Variants in TAF5 observed in about 807,000 individuals in gnomAD.
TAF5 encodes the protein transcription initiation factor TFIID subunit 5.
TAF5 carries 20 observed loss-of-function variants against 80.9 expected under a neutral mutation model. That is an observed-to-expected ratio of 0.25 (90% confidence interval 0.17 to 0.36). TAF5 has a LOEUF of 0.36. Ranked by LOEUF, TAF5 falls within the 10% of genes least tolerant of loss-of-function variation. The pLI is 1.00. For missense variants in TAF5, 863 were observed against 1,029.4 expected (o/e 0.84, Z 2.21); for synonymous variants, 388 against 406.4 (o/e 0.95, Z 0.55).
At chr10:103,379,797 T>G in intron 4 of TAF5, 26 bp downstream of exon 4, 11 of 1,591,794 alleles carry the variant, frequency 6.9e-6, no homozygotes, top group Non-Finnish European at 9.4e-6. Context: ...CAGGAACTTG[T>G]GTGTGGAGGT....
Position 103,381,796 on chromosome 10 carries a change from T to TGGTC in TAF5, c.1493_1496dup (p.Thr500GlyfsTer8). On this transcript the variant is annotated frameshift_variant, in exon 6 of 11. Transcript: ENST00000369839. LOFTEE classifies it high-confidence loss of function. ...TTTTGCAGATTCAACTGTCAGAGTG[T>TGGTC]GGTCGGTAACACCCAAAAAGCTTCG... is the stretch of plus-strand genomic sequence containing the variant. The TGGTC allele has an allele frequency of 6.2e-7, 1 of 1,614,204 alleles. No homozygotes were observed. Among genetic ancestry groups the TGGTC allele is most frequent in the Admixed American group, 1.7e-5 (1 of 60,022 alleles).
rs1316978493 is a variant in TAF5, at chr10:103,387,273, C to T, written c.1928C>T (p.Ala643Val). Reference protein sequence around the residue: ...TRFHPNSNYVATGSADRTVRL... With the variant: ...TRFHPNSNYVVTGSADRTVRL... ...TTCCATCCAAATTCTAATTATGTTGCTACGGGCTCTGCAGACAGAACTGTG... is the reference window on the plus strand; with the variant it reads ...TTCCATCCAAATTCTAATTATGTTGTTACGGGCTCTGCAGACAGAACTGTG... Residue 643 changes from alanine (A) to valine (V), a missense_variant, in exon 9 of 11, where the codon GCT becomes GTT. Around this residue, in one of 3 missense-constraint regions of TAF5, gnomAD observed 368 missense variants for 461.7 expected, o/e 0.80. Coordinates refer to ENST00000369839, the MANE Select transcript of TAF5 (RefSeq NM_006951.5). 8 of 1,614,150 alleles carry T rather than the reference C, an allele frequency of 5.0e-6. No individual in the cohort carries two copies. The highest frequency in any genetic ancestry group is 6.8e-6 in the Non-Finnish European group (8 of 1,180,026).
Position 103,385,498 on chromosome 10 carries a change from C to T in TAF5, c.1829+8C>T. On this transcript the variant is annotated splice_region_variant and intron_variant, in intron 8 of 10. Coordinates refer to ENST00000369839, the MANE Select transcript of TAF5 (RefSeq NM_006951.5). The stretch of plus-strand genomic sequence containing the variant: ...CCATGACCGAGTAGCTCGGTAAGAA[C>T]ACTGTGATCTTATGACTGGGTCTAT... 1 of 1,613,306 alleles carries T rather than the reference C, an allele frequency of 6.2e-7. No homozygotes were observed. Among genetic ancestry groups the T allele is most frequent in the Non-Finnish European group, 8.5e-7 (1 of 1,179,742 alleles).
intron 8 of TAF5, 134 bp downstream of exon 8, chr10:103,385,624 A>T (rs557466451): frequency 2.7e-6 from 3 of 1,094,174 alleles, no homozygotes; most frequent in Non-Finnish European, 3.9e-6. Context: ...TTTTGCATTT[A>T]TAACTTATTT....
chr10:103,384,499 C>T (rs376053749), intron 7 of TAF5, among the ~76,000 whole-genome samples: 7 of 152,092 alleles, frequency 4.6e-5, no homozygotes, highest in African/African-American at 1.4e-4. Context: ...GGTGTGGTGG[C>T]GCCCACCTGT....
intron 5 of TAF5, among the ~76,000 whole-genome samples, chr10:103,381,159 G>C (rs2093382003): frequency 6.6e-6 from 1 of 151,960 alleles, no homozygotes; most frequent in Admixed American, 6.6e-5. Flanking sequence ...AGGTTGACCA[G>C]GCTGGACTTG....
intron 1 of TAF5, among the ~76,000 whole-genome samples, chr10:103,369,051 TCA>T (rs1376045561): frequency 1.3e-5 from 2 of 151,644 alleles, no homozygotes; most frequent in Non-Finnish European, 2.9e-5. Flanking sequence ...CAATCTTGGC[TCA>T]CTGCAACCTC....
At chr10:103,368,875 A>G (rs1273678177) in intron 1 of TAF5, among the ~76,000 whole-genome samples, 3 of 152,318 alleles carry the variant, frequency 2.0e-5, no homozygotes, top group African/African-American at 7.2e-5. Context: ...TGACACTAAC[A>G]GTGTTTGTAC....
Position 103,368,528 on chromosome 10 carries a change from G to A in TAF5, c.539G>A (p.Gly180Asp), listed in dbSNP as rs1187810063. The A allele has an allele frequency of 6.5e-7, 1 of 1,540,852 alleles. No homozygotes were observed. The highest frequency in any genetic ancestry group is 8.7e-7 in the Non-Finnish European group (1 of 1,153,182). ...GATVVSGSAS[G>D]PAAPGKVGSV... is the part of the protein sequence containing the mutation. The stretch of plus-strand genomic sequence containing the variant: ...ACGGTCGTCTCAGGTTCAGCCTCAG[G>A]TCCTGCGGCTCCGGGTAAAGGTGAG... Residue 180 changes from glycine (G) to aspartate (D), a missense_variant, in exon 1 of 11, where the codon GGT becomes GAT. Transcript: ENST00000369839.
At chr10:103,372,621 A>C (rs1378161295) in intron 1 of TAF5, among the ~76,000 whole-genome samples, 2 of 148,108 alleles carry the variant, frequency 1.4e-5, no homozygotes, top group Admixed American at 1.3e-4. Context: ...GGCGGGAGCC[A>C]CCGCACCCGG....
At chr10:103,381,439 G>T (rs939417269) in intron 5 of TAF5, among the ~76,000 whole-genome samples, 1 of 151,826 alleles carries the variant, frequency 6.6e-6, no homozygotes, top group African/African-American at 2.4e-5. Flanking sequence ...GCTAATTTTG[G>T]TATTTTTAGT....
In TAF5 at chr10:103,368,173, G is replaced by T; in HGVS notation, c.184G>T (p.Gly62Trp). Residue 62 changes from glycine (G) to tryptophan (W), a missense_variant, in exon 1 of 11, where the codon GGG becomes TGG. This residue lies in a region of TAF5 where 367 missense variants were observed against 335.5 expected (regional missense o/e 1.09). Coordinates refer to ENST00000369839, the MANE Select transcript of TAF5 (RefSeq NM_006951.5). ...AASSSTGGDG[G>W]TPKPTVAVSA... ...GTCGTCGTCCACTGGCGGGGATGGC[G>T]GGACCCCCAAGCCCACGGTGGCTGT... The T allele has an allele frequency of 7.2e-7, 1 of 1,392,572 alleles. No individual in the cohort carries two copies. The allele number at this position is 1,392,572 out of a possible 1,614,324, so 86.3% of individuals were successfully genotyped here.
chr10:103,387,562 C>T lies in TAF5; in HGVS notation c.2049C>T (p.Phe683=), dbSNP rs894533485. The T allele has an allele frequency of 6.2e-7, 1 of 1,613,976 alleles. No homozygotes were observed. Among genetic ancestry groups the T allele is most frequent in the Non-Finnish European group, 8.5e-7 (1 of 1,179,982 alleles). Residue 683 remains phenylalanine, a synonymous_variant, in exon 10 of 11, where the codon TTC becomes TTT. Coordinates refer to ENST00000369839, the MANE Select transcript of TAF5 (RefSeq NM_006951.5). ...TGACATTTTCTCCCAATGGGAGATT[C>T]CTGGCTACAGGAGCAACAGATGGCA... The part of the protein sequence containing the change: ...HSLTFSPNGR[F]LATGATDGRV...
chr10:103,378,205 A>G lies in TAF5; in HGVS notation c.798-30A>G. ...GGCAGATCCCTTAATGATTACATTG[A>G]AAAATGACTTTTTAAAATCACTGAA... On this transcript the variant is annotated intron_variant, in intron 2 of 10. Coordinates refer to ENST00000369839, the MANE Select transcript of TAF5 (RefSeq NM_006951.5). The surrounding 1 kb of genome is among the most constrained non-coding windows in gnomAD (Gnocchi z 4.1). The G allele has an allele frequency of 6.3e-7, 1 of 1,589,352 alleles. No individual in the cohort carries two copies. The highest frequency in any genetic ancestry group is 8.6e-7 in the Non-Finnish European group (1 of 1,165,566).
At chr10:103,376,102 T>G (rs1233295778) in intron 2 of TAF5, among the ~76,000 whole-genome samples, 2 of 151,978 alleles carry the variant, frequency 1.3e-5, no homozygotes, top group African/African-American at 4.8e-5. Flanking sequence ...AATAATTTTT[T>G]TTTTTTGAGA....
chr10:103,384,157 A>G (rs2093390247), intron 7 of TAF5, among the ~76,000 whole-genome samples: 1 of 152,190 alleles, frequency 6.6e-6, no homozygotes. Flanking sequence ...TCTATAATCA[A>G]AAGTACTAAG....
At chr10:103,376,077 G>T (rs972682857) in intron 2 of TAF5, among the ~76,000 whole-genome samples, 7 of 149,986 alleles carry the variant, frequency 4.7e-5, no homozygotes, top group Non-Finnish European at 1.0e-4. Context: ...AAAGGAGGCC[G>T]TGCTTAGCAG....
chr10:103,383,473 A>T (rs1025739942), intron 7 of TAF5, 106 bp downstream of exon 7: 15 of 1,132,022 alleles, frequency 1.3e-5, no homozygotes, highest in African/African-American at 3.3e-5. Flanking sequence ...TCTGATAAAA[A>T]TCTCATGGTT....
Position 103,378,315 on chromosome 10 carries a change from G to A in TAF5, c.878G>A (p.Gly293Glu), listed in dbSNP as rs148369380. The change falls in exon 3 of 11, where the codon GGG (glycine) becomes GAG (glutamate). Residue 293 changes from glycine (G) to glutamate (E), a missense_variant. By Grantham distance (98) the Gly-to-Glu change is moderately conservative. Transcript: ENST00000369839. This position sits in a 1 kb window ranked among gnomAD's most constrained non-coding sequence, Gnocchi z 4.1. ...SSLTKKEHMK[G>E]NETMLDFRTS... ...CTTACCAAAAAGGAACACATGAAAGGGAATGAGACCATGTTGGATTTTCGA... is the reference window on the plus strand; with the variant it reads ...CTTACCAAAAAGGAACACATGAAAGAGAATGAGACCATGTTGGATTTTCGA... The A allele has an allele frequency of 5.6e-6, 9 of 1,614,008 alleles. No homozygotes were observed. The highest frequency in any genetic ancestry group is 1.3e-5 in the African/African-American group (1 of 74,908).
Sources: gnomAD v4.1 joint callset for allele counts (sites outside exome capture counted in the v4.1 genomes callset) on GRCh38, gnomAD v4.1.1 for gene constraint, gnomAD v4.1.1 regional missense constraint, Gnocchi (gnomAD v3.1) non-coding constraint, MANE v1.5 for transcripts, NCBI Gene and HGNC (gene_info 2026-07-23, HGNC 2026-07-21) for gene names.